SUGCT: variants seen among roughly 807,000 people sequenced by gnomAD.
The protein encoded by SUGCT is succinyl-CoA:glutarate CoA-transferase.
Under a neutral mutation model 55.0 loss-of-function variants are expected in SUGCT, and 41 were observed. That is an observed-to-expected ratio of 0.74 (90% CI 0.58 to 0.97). The LOEUF is 0.97. SUGCT is among the 50% of genes least tolerant of loss of function. SUGCT has a pLI of 0.00. For synonymous variants in SUGCT, 187 were observed against 200.4 expected, an observed-to-expected ratio of 0.93 and a Z score of 0.56; for missense variants, 568 against 547.8, an observed-to-expected ratio of 1.04 and a Z score of -0.37.
rs1788617469 is a variant in SUGCT, at chr7:40,443,222, C to G, written c.817-6065C>G. Among the ~76,000 whole-genome samples, 2 of 152,114 alleles carry G rather than the reference C, an allele frequency of 1.3e-5. 1 individual carries two copies. The highest frequency in any genetic ancestry group is 4.8e-5 in the African/African-American group (2 of 41,408). On this transcript the variant is annotated intron_variant, in intron 9 of 13. Transcript: ENST00000335693. ...CTTTATAGCAGTATGATTTATAATC[C>G]TTTAGGTATATACCCAGTAATGGGA...
At chr7:40,286,955 G>A (rs1793388244) in intron 8 of SUGCT, among the ~76,000 whole-genome samples, 1 of 152,170 alleles carries the variant, frequency 6.6e-6, no homozygotes, top group Non-Finnish European at 1.5e-5. Flanking sequence ...ACTGCAGACA[G>A]CTTTAATCTT....
At chr7:40,415,855 T>C (rs1383146201) in intron 9 of SUGCT, among the ~76,000 whole-genome samples, 2 of 152,114 alleles carry the variant, frequency 1.3e-5, no homozygotes, top group African/African-American at 4.8e-5. Context: ...GCTTATTTCT[T>C]ATTTGTTTAA....
intron 7 of SUGCT, among the ~76,000 whole-genome samples, chr7:40,261,525 C>G (rs1225398106): frequency 6.6e-6 from 1 of 152,108 alleles, no homozygotes. Flanking sequence ...TAGACAAACA[C>G]GGAGGAAACA....
At chr7:40,830,173 T>C (rs1011471400) in intron 13 of SUGCT, among the ~76,000 whole-genome samples, 1 of 152,182 alleles carries the variant, frequency 6.6e-6, no homozygotes, top group Non-Finnish European at 1.5e-5. Flanking sequence ...TCTGCTCTGC[T>C]GACCACAGTC....
At chr7:40,627,672 C>A (rs922791471) in intron 12 of SUGCT, among the ~76,000 whole-genome samples, 1 of 152,250 alleles carries the variant, frequency 6.6e-6, no homozygotes, top group Non-Finnish European at 1.5e-5. Flanking sequence ...AGTTTCCCAT[C>A]TGCCTTGCAG....
At chr7:41,006,366 G>T in the SUGCT span, among the ~76,000 whole-genome samples, 3 of 152,182 alleles carry the variant, frequency 2.0e-5, no homozygotes, top group Non-Finnish European at 4.4e-5. Flanking sequence ...TATAGAATGT[G>T]AGCCTCTCAC....
At chr7:40,613,304 G>A (rs577095921) in intron 12 of SUGCT, among the ~76,000 whole-genome samples, 4 of 152,234 alleles carry the variant, frequency 2.6e-5, no homozygotes, top group South Asian at 2.1e-4. Context: ...GCTAAAAGGG[G>A]CACGAAGTGA....
At chr7:40,266,998 A>C (rs1791622636) in intron 7 of SUGCT, among the ~76,000 whole-genome samples, 1 of 150,552 alleles carries the variant, frequency 6.6e-6, no homozygotes, top group Non-Finnish European at 1.5e-5. Flanking sequence ...CCTGGGAGAC[A>C]GAGCAAGACT....
intron 12 of SUGCT, among the ~76,000 whole-genome samples, chr7:40,699,686 C>T (rs2011636): frequency 0.31 from 46,292 of 151,490 alleles, 7,250 homozygotes; most frequent in African/African-American, 0.38. Context: ...CTGGTCAATA[C>T]GGTGAAACCT....
intron 9 of SUGCT, among the ~76,000 whole-genome samples, chr7:40,428,522 CTGTGTGTGTGTGTGTGTGTGTG>C (rs56017526): frequency 6.7e-6 from 1 of 149,180 alleles, no homozygotes; most frequent in East Asian, 2.0e-4. Flanking sequence ...TCTGTCTCTG[CTGTGTGTGTGTGTGTGTGTGTG>C]TGTGTGTGTG....
intron 12 of SUGCT, among the ~76,000 whole-genome samples, chr7:40,530,450 A>T (rs1794023665): frequency 1.3e-5 from 2 of 152,244 alleles, no homozygotes; most frequent in Admixed American, 6.5e-5. Context: ...TTCAGTGACC[A>T]CACTGAAACT....
intron 9 of SUGCT, among the ~76,000 whole-genome samples, chr7:40,351,894 A>T (rs534525036): frequency 3.9e-5 from 6 of 152,244 alleles, no homozygotes; most frequent in Non-Finnish European, 5.9e-5. Context: ...GCTGCACATT[A>T]GAATTACCTG....
intron 13 of SUGCT, 71 bp from the exon 14 acceptor site, chr7:40,860,245 A>G: frequency 6.3e-7 from 1 of 1,593,590 alleles, no homozygotes; most frequent in Non-Finnish European, 8.6e-7. Context: ...AAAACACCCC[A>G]GGCTGCTTAG....
At chr7:40,895,314 G>T in the SUGCT span, among the ~76,000 whole-genome samples, 158 of 152,226 alleles carry the variant, frequency 1.0e-3, 2 homozygotes, top group South Asian at 0.032. Flanking sequence ...CTACTTGAGG[G>T]TGGAGGGTGG....
intron 7 of SUGCT, among the ~76,000 whole-genome samples, chr7:40,261,590 T>A (rs1791226150): frequency 6.6e-6 from 1 of 152,196 alleles, no homozygotes; most frequent in South Asian, 2.1e-4. Flanking sequence ...AAACACTCAG[T>A]AACTCTTCTC....
intron 12 of SUGCT, among the ~76,000 whole-genome samples, chr7:40,734,949 A>G (rs143266747): frequency 8.5e-5 from 13 of 152,312 alleles, no homozygotes; most frequent in African/African-American, 2.9e-4. Context: ...TATAGTATAT[A>G]TACAACCTCC....
At chr7:40,999,503 T>G in the SUGCT span, among the ~76,000 whole-genome samples, 2 of 152,130 alleles carry the variant, frequency 1.3e-5, no homozygotes, top group East Asian at 3.8e-4. Context: ...GACTGTAGAT[T>G]ATATGACTTC....
chr7:40,626,588 T>C (rs1210150934), intron 12 of SUGCT, among the ~76,000 whole-genome samples: 1 of 152,122 alleles, frequency 6.6e-6, no homozygotes, highest in Non-Finnish European at 1.5e-5. Flanking sequence ...AGTATAGCTA[T>C]TTTCAGCTTT....
Position 40,642,747 on chromosome 7 carries a change from G to T in SUGCT, c.1090-106687G>T, listed in dbSNP as rs1186466389. On this transcript the variant is annotated intron_variant, in intron 12 of 13. Transcript: ENST00000335693. ...GTGATTCAGTGTTTCCATTTCATTG[G>T]ATTTCATGTGATTCAACCTGATTCT... is the stretch of plus-strand genomic sequence containing the variant. Among the ~76,000 whole-genome samples the T allele has an allele frequency of 3.3e-5, 5 of 152,096 alleles. No individual in the cohort carries two copies. The East Asian group carries it at 9.6e-4, about 29-fold the overall frequency.
Sources: allele counts gnomAD v4.1 joint callset (sites outside exome capture counted in the v4.1 genomes callset), GRCh38; gene constraint gnomAD v4.1.1; transcripts MANE v1.5; gene names NCBI Gene and HGNC (gene_info 2026-07-23, HGNC 2026-07-21).